MTMR3: variants seen among roughly 807,000 people sequenced by gnomAD.
MTMR3 encodes myotubularin related protein 3.
Under a neutral mutation model 132.4 loss-of-function variants are expected in MTMR3, and 32 were observed. The ratio of observed to expected loss-of-function variants is 0.24; its 90% confidence interval spans 0.18 to 0.32. The LOEUF (loss-of-function observed/expected upper bound fraction) is 0.32. Ranked by LOEUF, MTMR3 falls within the 10% of genes least tolerant of loss-of-function variation. MTMR3 has a pLI of 1.00. For synonymous variants in MTMR3, 556 were observed against 550.3 expected, an observed-to-expected ratio of 1.01 and a Z score of -0.14; for missense variants, 1,216 against 1,489.6, an observed-to-expected ratio of 0.82 and a Z score of 3.02.
intron 8 of MTMR3, 98 bp from the exon 9 acceptor site, chr22:30,002,782 A>G (rs746983419): frequency 1.3e-5 from 12 of 891,414 alleles, no homozygotes; most frequent in Non-Finnish European, 2.1e-5. Flanking sequence ...TGAGATCATC[A>G]TCCTTATGCT....
chr22:29,895,490 A>G, intron 1 of MTMR3, among the ~76,000 whole-genome samples: 1 of 152,220 alleles, frequency 6.6e-6, no homozygotes, highest in Admixed American at 6.5e-5. Context: ...CCTGCAAAAA[A>G]TTTTCTAGAT....
intron 5 of MTMR3, chr22:29,981,495 T>C (rs1320486625): frequency 1.3e-5 from 2 of 152,192 alleles, no homozygotes; most frequent in Non-Finnish European, 1.5e-5. Context: ...TTTTTTCTGT[T>C]AGCATCATAA....
chr22:29,980,578 T>G (rs551156725), intron 5 of MTMR3: 3 of 152,238 alleles, frequency 2.0e-5, no homozygotes, highest in Non-Finnish European at 4.4e-5. Context: ...CTGCCCAATT[T>G]AACTTTGTGT....
chr22:29,915,965 C>A (rs547799272), intron 1 of MTMR3, among the ~76,000 whole-genome samples: 8 of 152,114 alleles, frequency 5.3e-5, no homozygotes, highest in Non-Finnish European at 4.4e-5. Context: ...CTTTAACTTA[C>A]GACATTCTGC....
chr22:30,021,622 C>G (rs1410333775), intron 17 of MTMR3: 1 of 182,194 alleles, frequency 5.5e-6, no homozygotes, highest in Non-Finnish European at 1.1e-5. Context: ...ATGATAGTTT[C>G]TCATGTTCCC....
intron 7 of MTMR3, chr22:29,995,824 TCA>T (rs1261818411): frequency 1.3e-5 from 2 of 152,224 alleles, no homozygotes; most frequent in African/African-American, 4.8e-5. Context: ...AGTGAACATC[TCA>T]CACAATTTGC....
intron 13 of MTMR3, chr22:30,013,134 G>A (rs377015599): frequency 1.1e-5 from 4 of 372,336 alleles, no homozygotes; most frequent in South Asian, 6.4e-5. Context: ...TTAGATAAAC[G>A]CAGTCAGTAC....
chr22:29,939,438 TTG>T (rs1458962183), intron 1 of MTMR3, among the ~76,000 whole-genome samples: 2 of 152,192 alleles, frequency 1.3e-5, no homozygotes, highest in African/African-American at 4.8e-5. Context: ...ATTTTAAACT[TTG>T]TGATTATCTC....
chr22:29,963,678 G>A (rs1401728776), intron 2 of MTMR3, among the ~76,000 whole-genome samples: 1 of 152,038 alleles, frequency 6.6e-6, no homozygotes, highest in East Asian at 1.9e-4. Context: ...GAGCCACTGT[G>A]CCCAGCCCAC....
intron 3 of MTMR3, among the ~76,000 whole-genome samples, chr22:29,971,882 A>G (rs922624791): frequency 6.6e-6 from 1 of 152,234 alleles, no homozygotes; most frequent in African/African-American, 2.4e-5. Flanking sequence ...CTACCTTGTG[A>G]TGTTTCCTAG....
chr22:29,885,911 G>T (rs1778056069), intron 1 of MTMR3, among the ~76,000 whole-genome samples: 1 of 152,170 alleles, frequency 6.6e-6, no homozygotes, highest in African/African-American at 2.4e-5. Context: ...GGAAGAGGTG[G>T]AAGAAAATGT....
At chr22:29,902,689 A>G (rs945869657) in intron 1 of MTMR3, among the ~76,000 whole-genome samples, 2 of 152,094 alleles carry the variant, frequency 1.3e-5, no homozygotes, top group Admixed American at 1.3e-4. Context: ...TTATAAGTAA[A>G]AAATAACTGG....
chr22:29,976,594 T>G (rs1458139138), intron 3 of MTMR3, among the ~76,000 whole-genome samples: 1 of 152,250 alleles, frequency 6.6e-6, no homozygotes, highest in South Asian at 2.1e-4. Context: ...GTCATTCTTA[T>G]GAAATTGGCA....
At chr22:29,887,518 C>T (rs2064703133) in intron 1 of MTMR3, among the ~76,000 whole-genome samples, 1 of 152,178 alleles carries the variant, frequency 6.6e-6, no homozygotes, top group South Asian at 2.1e-4. Context: ...ACTGATATGG[C>T]AACAGAGAAG....
At chr22:29,985,073 A>G (rs571037131) in intron 5 of MTMR3, 1 of 152,358 alleles carries the variant, frequency 6.6e-6, no homozygotes, top group South Asian at 2.1e-4. Context: ...AGTTATAGAA[A>G]TGTTAAGAGA....
intron 1 of MTMR3, among the ~76,000 whole-genome samples, chr22:29,901,841 T>G (rs985739706): frequency 2.0e-5 from 3 of 152,226 alleles, no homozygotes; most frequent in Non-Finnish European, 4.4e-5. Flanking sequence ...CATCTTTTAT[T>G]TAACCTAATG....
At chr22:29,967,224 T>TGTGC (rs1351789051) in intron 2 of MTMR3, among the ~76,000 whole-genome samples, 14 of 112,536 alleles carry the variant, frequency 1.2e-4, no homozygotes, top group African/African-American at 5.1e-4. Flanking sequence ...TGTGTGTGTG[T>TGTGC]GTGTGTGTGC....
intron 1 of MTMR3, among the ~76,000 whole-genome samples, chr22:29,947,488 C>T (rs960987): frequency 0.29 from 43,907 of 149,214 alleles, 7,576 homozygotes; most frequent in East Asian, 0.61. Flanking sequence ...GTTAATTTAG[C>T]CAGTATGCTA....
At chr22:30,003,751 C>T (rs535712883) in intron 9 of MTMR3, 33 of 152,270 alleles carry the variant, frequency 2.2e-4, no homozygotes, top group African/African-American at 7.9e-4. Flanking sequence ...TAGGTTAAAT[C>T]TCTTGAGTGC....
Sources: allele counts gnomAD v4.1 joint callset (sites outside exome capture counted in the v4.1 genomes callset), GRCh38; gene constraint gnomAD v4.1.1; transcripts MANE v1.5; gene names NCBI Gene and HGNC (gene_info 2026-07-23, HGNC 2026-07-21).